The following COL7A1 variants were observed in gnomAD, a reference collection of about 807,000 sequenced individuals.
COL7A1 encodes the protein collagen alpha-1(VII) chain.
In COL7A1, 296 loss-of-function variants were observed where a neutral mutation model predicts 456.2. That is an observed-to-expected ratio of 0.65 (90% CI 0.59 to 0.71). The LOEUF is 0.71. Ranked by LOEUF, COL7A1 falls within the 30% of genes least tolerant of loss-of-function variation. The pLI is 0.00. For missense variants in COL7A1, 3,441 were observed against 4,017.2 expected (o/e 0.86, Z 3.88); for synonymous variants, 1,464 against 1,525.9 (o/e 0.96, Z 0.95).
intron 1 of COL7A1, 39 bp from the exon 2 acceptor site, chr3:48,595,199 G>A (rs1299303031): frequency 1.3e-6 from 2 of 1,516,958 alleles, no homozygotes; most frequent in East Asian, 4.9e-5. Context: ...CCCCGCCTCT[G>A]TCCCTTGCTC....
intron 34 of COL7A1, 52 bp from the exon 35 acceptor site, chr3:48,584,821 C>T (rs1180573987): frequency 2.5e-6 from 4 of 1,613,748 alleles, no homozygotes; most frequent in African/African-American, 2.7e-5. Flanking sequence ...CGAATGTCAA[C>T]GTGGGCACTG....
chr3:48,582,241 T>A, intron 47 of COL7A1, 82 bp downstream of exon 47: 1 of 1,609,494 alleles, frequency 6.2e-7, no homozygotes, highest in South Asian at 1.1e-5. Context: ...CACTGTGGAA[T>A]CACAGCCCAG....
intron 36 of COL7A1, 53 bp downstream of exon 36, chr3:48,584,429 CCCT>C: frequency 6.2e-6 from 10 of 1,613,312 alleles, no homozygotes; most frequent in Non-Finnish European, 5.9e-6. Context: ...ACTCTCGCCC[CCCT>C]CGTGTTGGTC....
Position 48,585,002 on chromosome 3 carries a change from G to T in COL7A1, c.3975+34C>A. The T allele has an allele frequency of 6.2e-7, 1 of 1,613,552 alleles. No individual in the cohort carries two copies. ...GAGCCACCCCACCCACTCAGGCAGC[G>T]CCCACCCTGACCTGCAGGACAAGGC... On this transcript the variant is annotated intron_variant, in intron 33 of 118. Transcript: ENST00000681320. This position sits in a 1 kb window ranked among gnomAD's most constrained non-coding sequence, Gnocchi z 4.5.
rs754833151 is a variant in COL7A1 at position 48,591,880 on chromosome 3, C to T, written c.1357+18G>A. The T allele has an allele frequency of 2.5e-6, 4 of 1,614,074 alleles. No individual in the cohort carries two copies. Among genetic ancestry groups the T allele is most frequent in the Middle Eastern group, 1.6e-4 (1 of 6,084 alleles). Reference sequence around the variant, plus strand: ...CATGCCCTGACCCTTGCCTGTCCATCCCTTCCCCCGCACTGACCAGTCTCA... The same window carrying T: ...CATGCCCTGACCCTTGCCTGTCCATTCCTTCCCCCGCACTGACCAGTCTCA... On this transcript the variant is annotated intron_variant, in intron 11 of 118. Coordinates refer to ENST00000681320, the MANE Select transcript of COL7A1 (RefSeq NM_000094.4). This position sits in a 1 kb window ranked among gnomAD's most constrained non-coding sequence, Gnocchi z 7.0.
rs78149541 is a variant in COL7A1 at position 48,591,573 on chromosome 3, G to A, written c.1527C>T (p.Ser509=). 183 of 1,613,682 alleles carry A rather than the reference G, an allele frequency of 1.1e-4. 1 individual carries two copies. In the East Asian group the frequency reaches 3.9e-3, roughly 35 times the overall value. The stretch of plus-strand genomic sequence containing the variant: ...CGGTGGCTTGCAGGTCTGTTACAGG[G>A]CTCACAGGCAGCTCTGGTCCTGTTG... ...VVPTGPELPV[S]PVTDLQATEL... The change falls in exon 13 of 119, where the codon AGC becomes AGT. Residue 509 remains serine (S), a synonymous_variant. Coordinates refer to ENST00000681320, the MANE Select transcript of COL7A1 (RefSeq NM_000094.4). This position sits in a 1 kb window ranked among gnomAD's most constrained non-coding sequence, Gnocchi z 7.0.
rs2045125102 is a variant in COL7A1, at chr3:48,584,929, G to A, written c.3992C>T (p.Pro1331Leu). ...CCTTACCGGGTCCCCACGAGGGCCA[G>A]GCAACCCTGGAGAGCCCTGCAAATG... is the stretch of plus-strand genomic sequence containing the variant. ...APGLKGSPGLPGPRGDPGERG... is the reference protein window; with the variant it reads ...APGLKGSPGLLGPRGDPGERG... The change falls in exon 34 of 119, where the codon CCT (proline) becomes CTT (leucine). Residue 1331 changes from proline to leucine, a missense_variant. Around this residue, in one of 3 missense-constraint regions of COL7A1, gnomAD observed 2,084 missense variants for 2,501.3 expected, o/e 0.83. Transcript: ENST00000681320. The A allele has an allele frequency of 6.2e-7, 1 of 1,613,886 alleles. No homozygotes were observed. Among genetic ancestry groups the A allele is most frequent in the African/African-American group, 1.3e-5 (1 of 74,934 alleles).
rs2043627246 is a variant in COL7A1, at chr3:48,566,789, G to A, written c.8227-52C>T. 1.9e-6 allele frequency: 3 copies of A among 1,608,174 alleles called. No individual in the cohort carries two copies. Among genetic ancestry groups the A allele is most frequent in the Non-Finnish European group, 2.6e-6 (3 of 1,175,796 alleles). ...AGGGTCAGAGGCAGTGGGGATCAGA[G>A]TCAGGCAGGTTGGGGGCCACAGCTT... On this transcript the variant is annotated intron_variant, in intron 111 of 118. Transcript: ENST00000681320. This position sits in a 1 kb window ranked among gnomAD's most constrained non-coding sequence, Gnocchi z 5.9.
In COL7A1 at chr3:48,593,241, C is replaced by T. The variant is rs372458548; in HGVS notation, c.543G>A (p.Glu181=). The T allele has an allele frequency of 7.1e-5, 114 of 1,614,106 alleles. No individual in the cohort carries two copies. Among genetic ancestry groups the T allele is most frequent in the Admixed American group, 3.8e-4 (23 of 60,018 alleles). The change falls in exon 6 of 119, where the codon GAG becomes GAA. Residue 181 remains glutamate (E), a synonymous_variant. Coordinates refer to ENST00000681320, the MANE Select transcript of COL7A1 (RefSeq NM_000094.4). This position sits in a 1 kb window ranked among gnomAD's most constrained non-coding sequence, Gnocchi z 4.4. ...FAVGIKNADP[E]ELKRVASQPT... is the part of the protein sequence containing the mutation. The stretch of plus-strand genomic sequence containing the variant: ...GCTGTGAGGCAACTCGCTTCAGCTC[C>T]TCAGGGTCAGCATTCTTGATCCCTG...
rs1457909835 is a variant in COL7A1 at position 48,569,367 on chromosome 3, C to T, written c.7686+8G>A. The T allele has an allele frequency of 1.2e-6, 2 of 1,613,940 alleles. No homozygotes were observed. The highest frequency in any genetic ancestry group is 1.7e-6 in the Non-Finnish European group (2 of 1,179,962). ...CCCACAGAGAGTACACCACCCTCTT[C>T]CCTGTACCTTGTCACCAGGGTCCCC... On this transcript the variant is annotated splice_region_variant and intron_variant, in intron 103 of 118. Coordinates refer to ENST00000681320, the MANE Select transcript of COL7A1 (RefSeq NM_000094.4). This position sits in a 1 kb window ranked among gnomAD's most constrained non-coding sequence, Gnocchi z 4.9.
chr3:48,585,507 G>A lies in COL7A1; in HGVS notation c.3894+50C>T, dbSNP rs1161830045. 2 of 1,588,942 alleles carry A rather than the reference G, an allele frequency of 1.3e-6. No homozygotes were observed. The highest frequency in any genetic ancestry group is 2.2e-5 in the East Asian group (1 of 44,764). The stretch of plus-strand genomic sequence containing the variant: ...TCCTTCTCTCTTGTAAAAACCCCGA[G>A]ACAGCTTTGAGGAGTGCCTCAGAGA... On this transcript the variant is annotated intron_variant, in intron 32 of 118. Coordinates refer to ENST00000681320, the MANE Select transcript of COL7A1 (RefSeq NM_000094.4). The surrounding 1 kb of genome is among the most constrained non-coding windows in gnomAD (Gnocchi z 4.5).
Position 48,575,563 on chromosome 3 carries a change from C to G in COL7A1, c.5980-24G>C. On this transcript the variant is annotated intron_variant, in intron 73 of 118. Transcript: ENST00000681320. This position sits in a 1 kb window ranked among gnomAD's most constrained non-coding sequence, Gnocchi z 6.3. Reference sequence around the variant, plus strand: ...CCCTGCAGGAGTGGAAGAGAGAATGCTGGTGGCTGTACAGCTACACCCCAC... The same window carrying G: ...CCCTGCAGGAGTGGAAGAGAGAATGGTGGTGGCTGTACAGCTACACCCCAC... 1 of 1,612,496 alleles carries G rather than the reference C, an allele frequency of 6.2e-7. No individual in the cohort carries two copies. Among genetic ancestry groups the G allele is most frequent in the East Asian group, 2.2e-5 (1 of 44,874 alleles).
Position 48,571,370 on chromosome 3 carries a change from T to C in COL7A1, c.7069-92A>G, listed in dbSNP as rs943729902. The C allele has an allele frequency of 7.3e-6, 11 of 1,512,468 alleles. No homozygotes were observed. In the African/African-American group the frequency reaches 1.5e-4, roughly 21 times the overall value. The allele number at this position is 1,512,468 out of a possible 1,614,324, so 93.7% of individuals were successfully genotyped here. On this transcript the variant is annotated intron_variant, in intron 92 of 118. Transcript: ENST00000681320. This position sits in a 1 kb window ranked among gnomAD's most constrained non-coding sequence, Gnocchi z 4.6. The stretch of plus-strand genomic sequence containing the variant: ...GAAAATATTCCCAGGGGAGTTCTGA[T>C]GTGACCATGAACACATGGGAACTCA...
Position 48,594,183 on chromosome 3 carries a change from C to T in COL7A1, c.266+185G>A, listed in dbSNP as rs746305387. On this transcript the variant is annotated intron_variant, in intron 3 of 118. Coordinates refer to ENST00000681320, the MANE Select transcript of COL7A1 (RefSeq NM_000094.4). This position sits in a 1 kb window ranked among gnomAD's most constrained non-coding sequence, Gnocchi z 5.5. The stretch of plus-strand genomic sequence containing the variant: ...AGTAGCCTGGAGGTGCCTCAGGGCA[C>T]GAAGGTTCTACCTAGGGAATCCTTA... 1.7e-4 allele frequency among the ~76,000 whole-genome samples: 26 copies of T among 152,226 alleles called. No individual in the cohort carries two copies. The highest frequency in any genetic ancestry group is 5.1e-4 in the African/African-American group (21 of 41,460).
In COL7A1 at chr3:48,579,562, C is replaced by T; in HGVS notation, c.5235+26G>A. On this transcript the variant is annotated intron_variant, in intron 59 of 118. Transcript: ENST00000681320. The surrounding 1 kb of genome is among the most constrained non-coding windows in gnomAD (Gnocchi z 4.4). ...ATCAGAGCAGGCCCTCCCATGCCTG[C>T]ACCCCCGAGGACCAATCACACTCAC... 6.2e-7 allele frequency: 1 copy of T among 1,613,840 alleles called. No individual in the cohort carries two copies. The highest frequency in any genetic ancestry group is 8.5e-7 in the Non-Finnish European group (1 of 1,179,998).
Position 48,568,178 on chromosome 3 carries a change from G to GGA in COL7A1, c.7795-10_7795-9dup, listed in dbSNP as rs771599775. The GGA allele has an allele frequency of 6.2e-7, 1 of 1,612,560 alleles. No individual in the cohort carries two copies. The highest frequency in any genetic ancestry group is 8.5e-7 in the Non-Finnish European group (1 of 1,179,992). ...ATCCTTTCCTGGGGATCCCTAGCAG[G>GGA]GAGAGGGTCCATGTGAGGTCAGAGG... is the stretch of plus-strand genomic sequence containing the variant. On this transcript the variant is annotated splice_polypyrimidine_tract_variant and intron_variant, in intron 105 of 118. Coordinates refer to ENST00000681320, the MANE Select transcript of COL7A1 (RefSeq NM_000094.4). The surrounding 1 kb of genome is among the most constrained non-coding windows in gnomAD (Gnocchi z 5.2).
chr3:48,576,140 A>G, intron 71 of COL7A1, 109 bp downstream of exon 71: 1 of 1,544,142 alleles, frequency 6.5e-7, no homozygotes, highest in East Asian at 2.3e-5. Context: ...AGGGCACTGA[A>G]CACACAGCAC....
In COL7A1 at chr3:48,580,811, C is replaced by T. The variant is rs2044699192; in HGVS notation, c.4980+71G>A. On this transcript the variant is annotated intron_variant, in intron 54 of 118. Coordinates refer to ENST00000681320, the MANE Select transcript of COL7A1 (RefSeq NM_000094.4). The surrounding 1 kb of genome is among the most constrained non-coding windows in gnomAD (Gnocchi z 4.5). ...CAGGGACTCCCATCACCCCTTACCC[C>T]CCTCAGCCTTTCCTATCACCTTCAT... The T allele has an allele frequency of 6.3e-6, 10 of 1,599,724 alleles. No homozygotes were observed. Among genetic ancestry groups the T allele is most frequent in the Middle Eastern group, 3.3e-4 (2 of 6,018 alleles).
chr3:48,564,808 G>A lies in COL7A1; in HGVS notation c.8793C>T (p.Pro2931=), dbSNP rs370048035. The A allele has an allele frequency of 6.2e-7, 1 of 1,613,996 alleles. No homozygotes were observed. The highest frequency in any genetic ancestry group is 8.5e-7 in the Non-Finnish European group (1 of 1,179,994). The change falls in exon 118 of 119, where the codon CCC becomes CCT. Residue 2931 remains proline (P), a synonymous_variant. Transcript: ENST00000681320. The surrounding 1 kb of genome is among the most constrained non-coding windows in gnomAD (Gnocchi z 6.0). The part of the protein sequence containing the change: ...TREACERRCP[P]RVVQSQGTGT... ...CTGTCCCCTGGCTCTGGACCACCCG[G>A]GGTGGGCAGCGGCGCTCGCAGGCCT...
Sources: allele counts gnomAD v4.1 joint callset (sites outside exome capture counted in the v4.1 genomes callset), GRCh38; gene constraint gnomAD v4.1.1; regional missense constraint gnomAD v4.1.1; non-coding constraint Gnocchi (gnomAD v3.1); transcripts MANE v1.5; gene names NCBI Gene and HGNC (gene_info 2026-07-23, HGNC 2026-07-21).